HNRNPA1L2: variants seen among roughly 807,000 people sequenced by gnomAD.
HNRNPA1L2 encodes the protein heterogeneous nuclear ribonucleoprotein A1-like 2.
Under a neutral mutation model 18.2 loss-of-function variants are expected in HNRNPA1L2, and 10 were observed. That is an observed-to-expected ratio of 0.55 (90% CI 0.34 to 0.93). The LOEUF (loss-of-function observed/expected upper bound fraction) is 0.93, where lower values mean the gene tolerates loss of function less well. HNRNPA1L2 is among the 40% of genes least tolerant of loss of function. HNRNPA1L2 has a pLI of 0.02. For synonymous variants in HNRNPA1L2, 124 were observed against 138.6 expected (o/e 0.89, Z 0.74); for missense variants, 308 against 394.4 (o/e 0.78, Z 1.85).
chr13:52,628,862 G>A, the HNRNPA1L2 span, among the ~76,000 whole-genome samples: 2 of 152,114 alleles, frequency 1.3e-5, no homozygotes, highest in East Asian at 3.8e-4. Context: ...CTGTTCTGTA[G>A]CTAAGGTTTC....
Position 52,642,647 on chromosome 13 carries a change from A to G in HNRNPA1L2, c.155A>G (p.Lys52Arg). The G allele has an allele frequency of 6.2e-7, 1 of 1,611,726 alleles. No homozygotes were observed. Among genetic ancestry groups the G allele is most frequent in the Non-Finnish European group, 8.5e-7 (1 of 1,179,844 alleles). ...DCVVMRDPNT[K>R]RSRGFGFVTY... Reference sequence around the variant, plus strand: ...GTGGTAATGAGAGATCCAAACACCAAGCGCTCCAGGGGCTTTGGGTTTGTC... The same window carrying G: ...GTGGTAATGAGAGATCCAAACACCAGGCGCTCCAGGGGCTTTGGGTTTGTC... Residue 52 changes from lysine (K) to arginine (R), a missense_variant, in exon 1 of 1, where the codon AAG (lysine) becomes AGG (arginine). Coordinates refer to ENST00000357495, the MANE Select transcript of HNRNPA1L2 (RefSeq NM_001389320.1).
At chr13:52,624,320 G>A in the HNRNPA1L2 span, among the ~76,000 whole-genome samples, 1 of 152,032 alleles carries the variant, frequency 6.6e-6, no homozygotes, top group Non-Finnish European at 1.5e-5. Flanking sequence ...CACCATGTTG[G>A]CCAGGCTGGT....
At chr13:52,639,876 GTT>G (rs371984561), upstream of HNRNPA1L2, among the ~76,000 whole-genome samples, 6 of 56,978 alleles carry the variant, frequency 1.1e-4, no homozygotes, top group Admixed American at 1.7e-4. Context: ...TGTTGTTCTT[GTT>G]TTTTTTTTTT....
Position 52,642,636 on chromosome 13 carries a change from T to C in HNRNPA1L2, c.144T>C (p.Asp48=). 1 of 1,611,806 alleles carries C rather than the reference T, an allele frequency of 6.2e-7. No individual in the cohort carries two copies. The highest frequency in any genetic ancestry group is 1.3e-5 in the African/African-American group (1 of 74,932). The part of the protein sequence containing the change: ...GTLTDCVVMR[D]PNTKRSRGFG... ...TCACAGACTGTGTGGTAATGAGAGA[T>C]CCAAACACCAAGCGCTCCAGGGGCT... The change falls in exon 1 of 1, where the codon GAT becomes GAC. Residue 48 remains aspartate, a synonymous_variant. Transcript: ENST00000357495.
the HNRNPA1L2 span, among the ~76,000 whole-genome samples, chr13:52,634,467 T>C: frequency 1.3e-5 from 2 of 152,278 alleles, no homozygotes; most frequent in East Asian, 3.8e-4. Flanking sequence ...AATAATTTAC[T>C]CTGAAAGTAC....
At chr13:52,639,743 A>ATG (rs1372170494), upstream of HNRNPA1L2, among the ~76,000 whole-genome samples, 6 of 151,260 alleles carry the variant, frequency 4.0e-5, no homozygotes, top group Non-Finnish European at 8.8e-5. Flanking sequence ...GGAATACATA[A>ATG]TGTTTGTATA....
rs1961696424 is a variant in HNRNPA1L2 at position 52,642,666 on chromosome 13, G to A, written c.174G>A (p.Gly58=). 18 of 1,610,916 alleles carry A rather than the reference G, an allele frequency of 1.1e-5. No homozygotes were observed. The highest frequency in any genetic ancestry group is 1.3e-5 in the African/African-American group (1 of 74,932). ...ACACCAAGCGCTCCAGGGGCTTTGG[G>A]TTTGTCACATATGCCACTGTGGAGG... ...DPNTKRSRGF[G]FVTYATVEEV... is the part of the protein sequence containing the mutation. Residue 58 remains glycine (G), a synonymous_variant, in exon 1 of 1, where the codon GGG becomes GGA. Transcript: ENST00000357495.
At chr13:52,623,876 A>G in the HNRNPA1L2 span, among the ~76,000 whole-genome samples, 41 of 152,188 alleles carry the variant, frequency 2.7e-4, no homozygotes, top group Non-Finnish European at 4.9e-4. Context: ...TCTGTGCTCT[A>G]TGATGTCTGG....
chr13:52,626,508 CTAAT>C, the HNRNPA1L2 span, among the ~76,000 whole-genome samples: 8 of 150,662 alleles, frequency 5.3e-5, no homozygotes, highest in Non-Finnish European at 1.0e-4. Flanking sequence ...TTAACTTGCT[CTAAT>C]TTATTTAGGA....
upstream of HNRNPA1L2, chr13:52,641,513 C>T (rs1177924268): frequency 6.6e-6 from 1 of 152,160 alleles, no homozygotes; most frequent in East Asian, 1.9e-4. Flanking sequence ...CCCCTTTTAC[C>T]ATGTAAAAAA....
the HNRNPA1L2 span, among the ~76,000 whole-genome samples, chr13:52,621,750 G>A: frequency 1.4e-5 from 2 of 139,432 alleles, no homozygotes; most frequent in East Asian, 4.0e-4. Flanking sequence ...TTCCTTATCT[G>A]CAAAATGGAG....
chr13:52,643,057 G>C lies in HNRNPA1L2; in HGVS notation c.565G>C (p.Ala189Pro), dbSNP rs1961714924. Residue 189 changes from alanine to proline, a missense_variant, in exon 1 of 1, where the codon GCT becomes CCT. Physicochemically the swap from Ala to Pro is conservative, Grantham distance 27. Transcript: ENST00000357495. ...CCTGCCAAAGCAAGAGATGGCTAGT[G>C]CTTCATCCAGCCAAAGAGGTCGAAG... ...KALPKQEMAS[A>P]SSSQRGRRGS... is the part of the protein sequence containing the mutation. The C allele has an allele frequency of 1.9e-6, 3 of 1,597,498 alleles. No individual in the cohort carries two copies. Among genetic ancestry groups the C allele is most frequent in the Non-Finnish European group, 2.5e-6 (3 of 1,179,794 alleles).
In HNRNPA1L2 at chr13:52,642,489, C is replaced by T. The variant is rs375529028; in HGVS notation, c.-4C>T. The T allele has an allele frequency of 1.4e-5, 23 of 1,611,420 alleles. No homozygotes were observed. The highest frequency in any genetic ancestry group is 3.3e-5 in the South Asian group (3 of 90,948). ...TCGTTAAAGTCTCTCTTCACCTTGCCGTCATGTCTAAGTCAGCGTCTCCAA... is the reference window on the plus strand; with the variant it reads ...TCGTTAAAGTCTCTCTTCACCTTGCTGTCATGTCTAAGTCAGCGTCTCCAA... On this transcript the variant is annotated 5_prime_UTR_variant, in exon 1 of 1. Transcript: ENST00000357495.
chr13:52,625,519 T>C, the HNRNPA1L2 span, among the ~76,000 whole-genome samples: 1 of 152,218 alleles, frequency 6.6e-6, no homozygotes, highest in Non-Finnish European at 1.5e-5. Context: ...CTACAATTTT[T>C]ATTAATTAGA....
At chr13:52,637,120 GC>G in the HNRNPA1L2 span, among the ~76,000 whole-genome samples, 1 of 152,144 alleles carries the variant, frequency 6.6e-6, no homozygotes, top group Admixed American at 6.5e-5. Context: ...ACAGTGCCTG[GC>G]CTAGTTATAG....
chr13:52,640,103 A>G (rs1961608750), upstream of HNRNPA1L2, among the ~76,000 whole-genome samples: 1 of 151,870 alleles, frequency 6.6e-6, no homozygotes. Context: ...ATGCCTGGCT[A>G]ATAGATGTGT....
the HNRNPA1L2 span, among the ~76,000 whole-genome samples, chr13:52,629,022 C>A: frequency 6.6e-6 from 1 of 152,084 alleles, no homozygotes; most frequent in Non-Finnish European, 1.5e-5. Flanking sequence ...ATTACTGGTG[C>A]CTGCCACTGT....
chr13:52,640,319 GT>G (rs908473292), upstream of HNRNPA1L2, among the ~76,000 whole-genome samples: 11 of 152,164 alleles, frequency 7.2e-5, no homozygotes, highest in Admixed American at 6.5e-5. Flanking sequence ...AAGCTGTACA[GT>G]TTGTATTTTT....
the HNRNPA1L2 span, among the ~76,000 whole-genome samples, chr13:52,631,026 G>A: frequency 6.6e-6 from 1 of 152,018 alleles, no homozygotes; most frequent in Admixed American, 6.5e-5. Flanking sequence ...AGTAGGAAAG[G>A]GGTTCCTGTG....
Sources: gnomAD v4.1 joint callset for allele counts (sites outside exome capture counted in the v4.1 genomes callset) on GRCh38, gnomAD v4.1.1 for gene constraint, MANE v1.5 for transcripts, NCBI Gene and HGNC (gene_info 2026-07-23, HGNC 2026-07-21) for gene names.